Variants in FMN1 observed in about 807,000 individuals in gnomAD.
The protein encoded by FMN1 is formin-1.
FMN1 carries 110 observed loss-of-function variants against 132.4 expected under a neutral mutation model. The ratio of observed to expected loss-of-function variants is 0.83; its 90% CI spans 0.71 to 0.97. The LOEUF (loss-of-function observed/expected upper bound fraction) is 0.97. Among genes scored for constraint, FMN1 ranks in the 50% least tolerant of loss-of-function variants. The pLI is 0.00. For missense variants in FMN1, 1,792 were observed against 1,705.3 expected, an observed-to-expected ratio of 1.05 and a Z score of -0.90; for synonymous variants, 722 against 651.7, an observed-to-expected ratio of 1.11 and a Z score of -1.64.
At chr15:32,991,886 G>A (rs2033457393) in intron 7 of FMN1, among the ~76,000 whole-genome samples, 1 of 152,240 alleles carries the variant, frequency 6.6e-6, no homozygotes, top group South Asian at 2.1e-4. Context: ...TCTTGATCTT[G>A]CAAAATATTT....
intron 4 of FMN1, among the ~76,000 whole-genome samples, chr15:33,096,626 G>T (rs1043451131): frequency 1.1e-4 from 17 of 151,306 alleles, no homozygotes; most frequent in Admixed American, 1.1e-3. Flanking sequence ...CTTAGACAGG[G>T]TCTCACTATA....
chr15:33,097,339 T>G (rs1277329003), intron 4 of FMN1, among the ~76,000 whole-genome samples: 1 of 147,310 alleles, frequency 6.8e-6, no homozygotes, highest in Non-Finnish European at 1.5e-5. Flanking sequence ...AGAGATGGGC[T>G]AAAAGGAGCA....
chr15:33,073,727 A>C (rs1330704379), intron 5 of FMN1, among the ~76,000 whole-genome samples: 2 of 144,676 alleles, frequency 1.4e-5, no homozygotes, highest in African/African-American at 5.1e-5. Flanking sequence ...AAATTTACCT[A>C]GCTTGTTTTT....
At chr15:32,919,384 A>G (rs1391353253) in intron 10 of FMN1, among the ~76,000 whole-genome samples, 1 of 152,208 alleles carries the variant, frequency 6.6e-6, no homozygotes, top group Non-Finnish European at 1.5e-5. Context: ...CCCGCCAAGA[A>G]GTTGATCCCC....
chr15:33,041,122 A>G (rs1349700274), intron 6 of FMN1, among the ~76,000 whole-genome samples: 1 of 135,886 alleles, frequency 7.4e-6, no homozygotes, highest in Non-Finnish European at 1.6e-5. Context: ...AATCTAAAAT[A>G]TAAATCACTA....
chr15:32,988,089 G>T (rs895461378), intron 7 of FMN1, among the ~76,000 whole-genome samples: 6 of 137,048 alleles, frequency 4.4e-5, no homozygotes, highest in Non-Finnish European at 9.2e-5. Flanking sequence ...AGGTAATTAG[G>T]TTGCTAATAA....
intron 7 of FMN1, among the ~76,000 whole-genome samples, chr15:32,986,595 T>C (rs553283076): frequency 6.6e-6 from 1 of 152,156 alleles, no homozygotes; most frequent in South Asian, 2.1e-4. Flanking sequence ...CTCAATGCCT[T>C]AACCAGTTAA....
chr15:32,813,371 G>A (rs1366743255), intron 17 of FMN1, among the ~76,000 whole-genome samples: 1 of 152,064 alleles, frequency 6.6e-6, no homozygotes, highest in African/African-American at 2.4e-5. Context: ...AAGTATAATT[G>A]GGATCTAAAT....
chr15:32,892,599 T>C (rs2060058846), intron 15 of FMN1, among the ~76,000 whole-genome samples: 1 of 152,244 alleles, frequency 6.6e-6, no homozygotes, highest in African/African-American at 2.4e-5. Context: ...GCTTCCCTCT[T>C]TCTCTATCTT....
At chr15:32,871,816 C>A (rs1277962700) in intron 16 of FMN1, among the ~76,000 whole-genome samples, 1 of 152,156 alleles carries the variant, frequency 6.6e-6, no homozygotes, top group African/African-American at 2.4e-5. Flanking sequence ...AGGTGGCTGG[C>A]TCCATGCAAG....
chr15:32,819,100 G>A (rs2058136415), intron 17 of FMN1, among the ~76,000 whole-genome samples: 1 of 152,186 alleles, frequency 6.6e-6, no homozygotes, highest in Non-Finnish European at 1.5e-5. Context: ...AGGCAGGCAA[G>A]GCGAGCTGAA....
chr15:32,802,905 C>G (rs893615634), intron 18 of FMN1, among the ~76,000 whole-genome samples: 2 of 152,086 alleles, frequency 1.3e-5, no homozygotes, highest in African/African-American at 2.4e-5. Context: ...GGAATTATCT[C>G]AGTTTTGAAT....
chr15:33,164,118 C>T (rs1367162712), intron 3 of FMN1, among the ~76,000 whole-genome samples: 1 of 152,030 alleles, frequency 6.6e-6, no homozygotes, highest in Non-Finnish European at 1.5e-5. Context: ...GTTTCCTACT[C>T]AAAGACTAAG....
At chr15:33,010,875 G>A (rs992556928) in intron 6 of FMN1, among the ~76,000 whole-genome samples, 1 of 150,782 alleles carries the variant, frequency 6.6e-6, no homozygotes, top group African/African-American at 2.4e-5. Context: ...TAAGAAAATA[G>A]TAACATTTTA....
chr15:32,978,871 A>G (rs560775100), intron 7 of FMN1, among the ~76,000 whole-genome samples: 8 of 152,278 alleles, frequency 5.3e-5, no homozygotes, highest in African/African-American at 1.4e-4. Context: ...CATTTAGTAC[A>G]TGTCTTAAAT....
At chr15:33,065,777 G>T (rs772189769) in intron 5 of FMN1, among the ~76,000 whole-genome samples, 1 of 152,116 alleles carries the variant, frequency 6.6e-6, no homozygotes, top group African/African-American at 2.4e-5. Flanking sequence ...TTGTTCTTCT[G>T]ATCGTTTAAG....
At chr15:33,112,582 A>G (rs2039751973) in intron 4 of FMN1, among the ~76,000 whole-genome samples, 2 of 152,188 alleles carry the variant, frequency 1.3e-5, no homozygotes, top group Non-Finnish European at 2.9e-5. Flanking sequence ...CCCCTATCAT[A>G]AAAACACTCC....
At chr15:32,945,002 G>C (rs1337752319) in intron 9 of FMN1, among the ~76,000 whole-genome samples, 1 of 152,148 alleles carries the variant, frequency 6.6e-6, no homozygotes, top group African/African-American at 2.4e-5. Flanking sequence ...CTAGACTCTA[G>C]AATTATGAGA....
intron 14 of FMN1, chr15:32,899,757 TTGAG>T: frequency 1.7e-6 from 1 of 580,140 alleles, no homozygotes; most frequent in Non-Finnish European, 3.0e-6. Context: ...AAGATGGGAA[TTGAG>T]TAATTGAAAA....
Sources: gnomAD v4.1 joint callset for allele counts (sites outside exome capture counted in the v4.1 genomes callset) on GRCh38, gnomAD v4.1.1 for gene constraint, MANE v1.5 for transcripts, NCBI Gene and HGNC (gene_info 2026-07-23, HGNC 2026-07-21) for gene names.